The following PCDH11X variants were observed in gnomAD, a reference collection of about 807,000 sequenced individuals.
PCDH11X encodes protocadherin-11 X-linked.
Under a neutral mutation model 53.3 loss-of-function variants are expected in PCDH11X, and 18 were observed. That is an observed-to-expected ratio of 0.34 (90% CI 0.23 to 0.50). The LOEUF is 0.50. Among genes scored for constraint, PCDH11X ranks in the 20% least tolerant of loss-of-function variants. The pLI is 0.98. For missense variants in PCDH11X, 570 were observed against 1,032.4 expected (o/e 0.55, Z 6.14); for synonymous variants, 279 against 393.3 (o/e 0.71, Z 3.44).
intron 6 of PCDH11X, among the ~76,000 whole-genome samples, chrX:92,185,578 C>T: frequency 9.0e-6 from 1 of 111,127 alleles, no homozygotes; most frequent in Non-Finnish European, 1.9e-5. Context: ...AGGAAGCCTG[C>T]AGAATGAGAG....
intron 6 of PCDH11X, among the ~76,000 whole-genome samples, chrX:91,980,842 G>T (rs965342777): frequency 9.3e-6 from 1 of 107,635 alleles, no homozygotes; most frequent in Non-Finnish European, 1.9e-5. Context: ...TAAAAAGAAA[G>T]AAATGAATAG....
At chrX:91,798,704 T>G (rs1935829991) in intron 1 of PCDH11X, among the ~76,000 whole-genome samples, 1 of 111,683 alleles carries the variant, frequency 9.0e-6, no homozygotes, top group African/African-American at 3.3e-5. Context: ...AGAAATTTGT[T>G]TTTAATAATG....
intron 9 of PCDH11X, among the ~76,000 whole-genome samples, chrX:92,423,823 T>C (rs1398463895): frequency 1.0e-5 from 1 of 97,462 alleles, no homozygotes; most frequent in East Asian, 3.0e-4. Context: ...TATTTCTGGG[T>C]TCTCTATTCT....
chrX:91,802,606 ATCTT>A (rs1320300679), intron 1 of PCDH11X, among the ~76,000 whole-genome samples: 4 of 111,803 alleles, frequency 3.6e-5, no homozygotes, highest in Non-Finnish European at 7.5e-5. Context: ...TTTGGAATAA[ATCTT>A]TACTTATTGA....
intron 6 of PCDH11X, among the ~76,000 whole-genome samples, chrX:91,991,844 T>C (rs1245972061): frequency 3.6e-5 from 4 of 110,241 alleles, no homozygotes; most frequent in Admixed American, 1.9e-4. Flanking sequence ...TTTCAAGAAA[T>C]TTCCTCTGTT....
rs372441799 is a variant in PCDH11X at position 91,886,387 on chromosome X, C to G, written c.3033+7114C>G. Among the ~76,000 whole-genome samples, 7 of 110,749 alleles carry G rather than the reference C, an allele frequency of 6.3e-5. No homozygotes were observed. In the East Asian group the frequency reaches 2.0e-3, roughly 31 times the overall value. On this transcript the variant is annotated intron_variant, in intron 6 of 10. Coordinates refer to ENST00000682573, the MANE Select transcript of PCDH11X (RefSeq NM_032968.5). ...TATAAGTAGCTTACCTGATGAGCTA[C>G]AGTGTACTGTATACTTTCTCCCCTG...
chrX:92,247,745 G>T (rs2067377997), intron 7 of PCDH11X, among the ~76,000 whole-genome samples: 1 of 111,799 alleles, frequency 8.9e-6, no homozygotes, highest in East Asian at 2.8e-4. Context: ...TGGATCTAGG[G>T]ATTCCTAAAT....
intron 5 of PCDH11X, among the ~76,000 whole-genome samples, chrX:91,853,289 A>G (rs1343320568): frequency 9.0e-6 from 1 of 111,231 alleles, no homozygotes; most frequent in Non-Finnish European, 1.9e-5. Context: ...GTTTTTCAAT[A>G]TTAATTTTGT....
At chrX:92,585,560 C>T (rs1843903794) in intron 10 of PCDH11X, among the ~76,000 whole-genome samples, 1 of 108,176 alleles carries the variant, frequency 9.2e-6, no homozygotes, top group African/African-American at 3.4e-5. Context: ...TTGGTAGAGA[C>T]GGGGTTTCAC....
chrX:92,251,672 A>T (rs1298280154), intron 7 of PCDH11X, among the ~76,000 whole-genome samples: 4 of 111,351 alleles, frequency 3.6e-5, no homozygotes, highest in Non-Finnish European at 7.6e-5. Flanking sequence ...TAAAGCATTT[A>T]CTTAAATGCC....
At chrX:91,989,689 A>G in intron 6 of PCDH11X, among the ~76,000 whole-genome samples, 2 of 111,006 alleles carry the variant, frequency 1.8e-5, no homozygotes, top group Non-Finnish European at 1.9e-5. Flanking sequence ...AAATGGTTGT[A>G]TATCTAATCA....
At chrX:92,456,411 C>T (rs59652344) in intron 9 of PCDH11X, among the ~76,000 whole-genome samples, 2,015 of 111,322 alleles carry the variant, frequency 0.018, 48 homozygotes, top group African/African-American at 0.063. Flanking sequence ...CAGACAAATG[C>T]AGAATCAAAT....
rs1377096797 is a variant in PCDH11X, at chrX:91,834,037, A to G, written c.-44-1424A>G. Among the ~76,000 whole-genome samples, 3 of 111,642 alleles carry G rather than the reference A, an allele frequency of 2.7e-5. No individual in the cohort carries two copies. In the Admixed American group the frequency reaches 2.9e-4, roughly 11 times the overall value. ...TGACCACTGAGTTTTCAAAACTGCTAAATACCTTAATAGTTGCATTAACCT... is the reference window on the plus strand; with the variant it reads ...TGACCACTGAGTTTTCAAAACTGCTGAATACCTTAATAGTTGCATTAACCT... On this transcript the variant is annotated intron_variant, in intron 4 of 10. Coordinates refer to ENST00000682573, the MANE Select transcript of PCDH11X (RefSeq NM_032968.5).
intron 6 of PCDH11X, among the ~76,000 whole-genome samples, chrX:91,907,818 G>C (rs1475471423): frequency 9.0e-6 from 1 of 110,663 alleles, no homozygotes; most frequent in Non-Finnish European, 1.9e-5. Flanking sequence ...ATTGTGTGTT[G>C]TTCCCCTTTA....
chrX:92,523,962 A>G (rs1390905431), intron 10 of PCDH11X, among the ~76,000 whole-genome samples: 1 of 110,178 alleles, frequency 9.1e-6, no homozygotes, highest in East Asian at 2.8e-4. Context: ...CAATTTTTCA[A>G]TTAAGGTGAG....
chrX:91,792,551 A>G (rs1368229394), intron 1 of PCDH11X, among the ~76,000 whole-genome samples: 1 of 111,494 alleles, frequency 9.0e-6, no homozygotes, highest in Admixed American at 9.5e-5. Context: ...ACTGTATAAT[A>G]CATACTAAAT....
chrX:92,108,932 G>A (rs2064442907), intron 6 of PCDH11X, among the ~76,000 whole-genome samples: 1 of 111,597 alleles, frequency 9.0e-6, no homozygotes, highest in Non-Finnish European at 1.9e-5. Flanking sequence ...GGTTCACCTT[G>A]CCCGCTGCCT....
intron 10 of PCDH11X, among the ~76,000 whole-genome samples, chrX:92,497,867 T>G (rs1247605395): frequency 9.0e-6 from 1 of 111,161 alleles, no homozygotes; most frequent in Non-Finnish European, 1.9e-5. Context: ...TTAAATTATT[T>G]GTAATCAAAA....
In PCDH11X at chrX:92,596,755, G is replaced by A. The variant is rs764466707; in HGVS notation, c.3368-21509G>A. ...CAAAGCCAGTCAAAGACATGTTAAA[G>A]TAAAAGAAAACAACAGGCCCCAATG... On this transcript the variant is annotated intron_variant, in intron 10 of 10. Transcript: ENST00000682573. Among the ~76,000 whole-genome samples the A allele has an allele frequency of 2.5e-3, 274 of 110,422 alleles. 2 individuals carry two copies. Among genetic ancestry groups the A allele is most frequent in the African/African-American group, 8.6e-3 (259 of 30,289 alleles).
Sources: gnomAD v4.1 joint callset for allele counts (sites outside exome capture counted in the v4.1 genomes callset) on GRCh38, gnomAD v4.1.1 for gene constraint, MANE v1.5 for transcripts, NCBI Gene and HGNC (gene_info 2026-07-23, HGNC 2026-07-21) for gene names.